NRXN1: variants seen among roughly 807,000 people sequenced by gnomAD.
NRXN1 encodes the protein neurexin 1, also known as neurexin-1.
NRXN1 carries 39 observed loss-of-function variants against 150.9 expected under a neutral mutation model. The ratio of observed to expected loss-of-function variants is 0.26; its 90% CI spans 0.20 to 0.34. The LOEUF is 0.34. Ranked by LOEUF, NRXN1 falls within the 10% of genes least tolerant of loss-of-function variation. The pLI, the probability that NRXN1 is intolerant of heterozygous loss-of-function variation, is 1.00. For synonymous variants in NRXN1, 924 were observed against 757.0 expected, an observed-to-expected ratio of 1.22 and a Z score of -3.62; for missense variants, 1,815 against 1,949.9, an observed-to-expected ratio of 0.93 and a Z score of 1.30.
Position 50,063,418 on chromosome 2 carries a change from TTTAAA to T in NRXN1, c.3719-8379_3719-8375del, listed in dbSNP as rs1248684563. On this transcript the variant is annotated intron_variant, in intron 19 of 22. Coordinates refer to ENST00000401669, the MANE Select transcript of NRXN1 (RefSeq NM_001330078.2). ...ATCTTGAACTACTTTTCTCTGACTC[TTTAAA>T]TTAGTCACTTTGTAATTTTTTCAAT... 3.3e-5 allele frequency among the ~76,000 whole-genome samples: 5 copies of T among 152,112 alleles called. No individual in the cohort carries two copies. In the South Asian group the frequency reaches 8.3e-4, roughly 25 times the overall value.
chr2:50,154,689 G>A (rs927482594), intron 18 of NRXN1, among the ~76,000 whole-genome samples: 2 of 151,700 alleles, frequency 1.3e-5, no homozygotes, highest in Admixed American at 6.6e-5. Context: ...GATCCATAAA[G>A]AATTAATAAA....
intron 8 of NRXN1, among the ~76,000 whole-genome samples, chr2:50,566,933 T>A (rs1206533902): frequency 6.6e-6 from 1 of 152,116 alleles, no homozygotes; most frequent in Admixed American, 6.5e-5. Context: ...TTATCCCTTT[T>A]CTCTTTTTCG....
At chr2:50,156,019 T>TTA (rs749740561) in intron 18 of NRXN1, among the ~76,000 whole-genome samples, 4 of 151,786 alleles carry the variant, frequency 2.6e-5, no homozygotes, top group Middle Eastern at 3.4e-3. Context: ...ACATCTAGAA[T>TTA]TATATATATA....
At chr2:50,325,667 AC>A (rs2076341030) in intron 17 of NRXN1, among the ~76,000 whole-genome samples, 1 of 152,208 alleles carries the variant, frequency 6.6e-6, no homozygotes, top group Non-Finnish European at 1.5e-5. Flanking sequence ...ACTATTATTA[AC>A]AGTATTATTC....
intron 21 of NRXN1, among the ~76,000 whole-genome samples, chr2:50,036,048 A>C (rs1490981049): frequency 1.3e-5 from 2 of 152,140 alleles, no homozygotes; most frequent in Non-Finnish European, 2.9e-5. Context: ...TCGGAGGAAA[A>C]TGCGCAGAAT....
At chr2:50,884,167 G>T (rs1679876832) in intron 5 of NRXN1, among the ~76,000 whole-genome samples, 1 of 151,682 alleles carries the variant, frequency 6.6e-6, no homozygotes, top group Non-Finnish European at 1.5e-5. Flanking sequence ...AAGTCAAAAA[G>T]ATTTTTTAAA....
At chr2:50,204,265 C>T (rs2062401858) in intron 18 of NRXN1, among the ~76,000 whole-genome samples, 1 of 151,650 alleles carries the variant, frequency 6.6e-6, no homozygotes, top group African/African-American at 2.4e-5. Flanking sequence ...TGGTACTGCC[C>T]ATGATTTTTT....
intron 18 of NRXN1, among the ~76,000 whole-genome samples, chr2:50,219,958 ATATATT>A (rs1559115623): frequency 1.4e-5 from 1 of 72,512 alleles, no homozygotes; most frequent in East Asian, 2.9e-4. Flanking sequence ...TATATAATAT[ATATATT>A]ATATATATAT....
chr2:50,123,869 G>T (rs1016910381), intron 18 of NRXN1, among the ~76,000 whole-genome samples: 1 of 152,058 alleles, frequency 6.6e-6, no homozygotes, highest in Non-Finnish European at 1.5e-5. Flanking sequence ...ATTTTGAAAG[G>T]AATATCAGAT....
chr2:50,448,044 G>A (rs538925764), intron 17 of NRXN1, among the ~76,000 whole-genome samples: 1 of 151,872 alleles, frequency 6.6e-6, no homozygotes, highest in Non-Finnish European at 1.5e-5. Context: ...GTCAGTGAAA[G>A]TAATAAAATT....
At chr2:50,172,108 C>A (rs1162112851) in intron 18 of NRXN1, among the ~76,000 whole-genome samples, 1 of 152,026 alleles carries the variant, frequency 6.6e-6, no homozygotes, top group African/African-American at 2.4e-5. Flanking sequence ...TTCCTATGAA[C>A]AGAAGATAAT....
rs186097623 is a variant in NRXN1 at position 51,028,466 on chromosome 2, G to A, written c.-193C>T. ...TCCAATAACCCCGCCCTCTCTCCCT[G>A]TAGTCCTCTTCCAACTGGAAAACGT... On this transcript the variant is annotated 5_prime_UTR_variant, in exon 2 of 23. Transcript: ENST00000401669. The A allele has an allele frequency of 3.4e-3, 1,498 of 441,602 alleles. 4 individuals are homozygous for A. Among genetic ancestry groups the A allele is most frequent in the Non-Finnish European group, 4.7e-3 (1,183 of 252,326 alleles). The allele number at this position is 441,602 out of a possible 1,614,324, so 27.4% of individuals were successfully genotyped here.
At chr2:50,569,381 C>T (rs1670327548) in intron 8 of NRXN1, among the ~76,000 whole-genome samples, 1 of 151,842 alleles carries the variant, frequency 6.6e-6, no homozygotes, top group African/African-American at 2.4e-5. Context: ...CATTGCATAC[C>T]TGTATCAAAA....
intron 17 of NRXN1, among the ~76,000 whole-genome samples, chr2:50,322,113 A>C (rs2076084079): frequency 6.6e-6 from 1 of 151,890 alleles, no homozygotes; most frequent in Admixed American, 6.6e-5. Context: ...AACACCTACT[A>C]CCTGGTCAGA....
chr2:50,222,844 C>G (rs1272482157), intron 18 of NRXN1, among the ~76,000 whole-genome samples: 5 of 151,680 alleles, frequency 3.3e-5, no homozygotes, highest in African/African-American at 7.3e-5. Flanking sequence ...ATACTATACA[C>G]AAAAAAGAAA....
intron 5 of NRXN1, among the ~76,000 whole-genome samples, chr2:50,704,568 T>C (rs1694179410): frequency 6.6e-6 from 1 of 151,794 alleles, no homozygotes; most frequent in South Asian, 2.1e-4. Context: ...AAATGTTATA[T>C]GAGAAAATTA....
At chr2:50,882,417 G>C (rs1232080345) in intron 5 of NRXN1, among the ~76,000 whole-genome samples, 1 of 151,784 alleles carries the variant, frequency 6.6e-6, no homozygotes, top group Non-Finnish European at 1.5e-5. Flanking sequence ...ATTGCTTTCA[G>C]TATTTTATTT....
chr2:49,981,895 G>C (rs577576971), intron 21 of NRXN1, among the ~76,000 whole-genome samples: 14 of 152,192 alleles, frequency 9.2e-5, no homozygotes, highest in African/African-American at 3.1e-4. Flanking sequence ...AGTTGCTTAA[G>C]ATCTAGGGTG....
chr2:50,258,567 G>A (rs1047351299), intron 17 of NRXN1, among the ~76,000 whole-genome samples: 1 of 151,930 alleles, frequency 6.6e-6, no homozygotes, highest in East Asian at 1.9e-4. Context: ...ATCTATGAAG[G>A]TTGAAATCAA....
Sources: allele counts gnomAD v4.1 joint callset (sites outside exome capture counted in the v4.1 genomes callset), GRCh38; gene constraint gnomAD v4.1.1; transcripts MANE v1.5; gene names NCBI Gene and HGNC (gene_info 2026-07-23, HGNC 2026-07-21).